UNC5D: variants seen among roughly 807,000 people sequenced by gnomAD.
UNC5D encodes the protein netrin receptor UNC5D.
A neutral mutation model predicts 105.4 loss-of-function variants in UNC5D; 39 were observed. The observed-to-expected ratio is 0.37, with a 90% CI of 0.29 to 0.48. UNC5D has a LOEUF of 0.48. Among genes scored for constraint, UNC5D ranks in the 20% least tolerant of loss-of-function variants. The pLI is 0.98. For missense variants in UNC5D, 991 were observed against 1,202.4 expected (o/e 0.82, Z 2.60); for synonymous variants, 452 against 450.4 (o/e 1.00, Z -0.04).
At chr8:35,556,139 G>A (rs1179985418) in intron 2 of UNC5D, among the ~76,000 whole-genome samples, 1 of 151,892 alleles carries the variant, frequency 6.6e-6, no homozygotes. Context: ...TTAGCCCAGG[G>A]GCTAGTGTAC....
chr8:35,665,089 C>T (rs1024840344), intron 4 of UNC5D, among the ~76,000 whole-genome samples: 3 of 152,144 alleles, frequency 2.0e-5, no homozygotes, highest in African/African-American at 7.2e-5. Flanking sequence ...CCTGCCTTGG[C>T]CTCCCAAAGT....
chr8:35,291,654 G>C (rs750909975), intron 1 of UNC5D, among the ~76,000 whole-genome samples: 1 of 152,172 alleles, frequency 6.6e-6, no homozygotes, highest in African/African-American at 2.4e-5. Context: ...TGGTGTCATT[G>C]GTTTGGGTGG....
At chr8:35,411,956 C>T (rs893136949) in intron 1 of UNC5D, among the ~76,000 whole-genome samples, 1 of 152,052 alleles carries the variant, frequency 6.6e-6, no homozygotes, top group Non-Finnish European at 1.5e-5. Flanking sequence ...CATGTCCTCG[C>T]CTGTCCCCGT....
intron 14 of UNC5D, among the ~76,000 whole-genome samples, chr8:35,766,187 T>C (rs550827325): frequency 6.6e-6 from 1 of 152,266 alleles, no homozygotes; most frequent in East Asian, 1.9e-4. Context: ...TTGTTTCTTA[T>C]TGTTTACCTA....
intron 1 of UNC5D, among the ~76,000 whole-genome samples, chr8:35,387,509 G>A (rs1045049718): frequency 2.6e-5 from 4 of 152,052 alleles, no homozygotes; most frequent in African/African-American, 9.7e-5. Context: ...TGCTCAAAAT[G>A]CTTCTCTTTT....
At chr8:35,765,997 A>G (rs890800780) in intron 14 of UNC5D, among the ~76,000 whole-genome samples, 1 of 152,174 alleles carries the variant, frequency 6.6e-6, no homozygotes, top group African/African-American at 2.4e-5. Flanking sequence ...TTAGTACACA[A>G]AAAAATTTCG....
intron 1 of UNC5D, chr8:35,255,038 C>A (rs565589016): frequency 5.9e-5 from 9 of 152,210 alleles, no homozygotes; most frequent in Non-Finnish European, 1.2e-4. Context: ...CCAAAATAAC[C>A]ACCTCAGGGG....
At chr8:35,487,663 A>G (rs994677810) in intron 1 of UNC5D, among the ~76,000 whole-genome samples, 1 of 152,072 alleles carries the variant, frequency 6.6e-6, no homozygotes, top group Non-Finnish European at 1.5e-5. Context: ...AACAAGTGCA[A>G]TGCTGCTATA....
At chr8:35,289,797 G>A (rs1806902143) in intron 1 of UNC5D, among the ~76,000 whole-genome samples, 1 of 152,058 alleles carries the variant, frequency 6.6e-6, no homozygotes, top group East Asian at 1.9e-4. Flanking sequence ...CAAATGCTCA[G>A]CATTGCAAAT....
chr8:35,501,088 T>A (rs552285791), intron 1 of UNC5D, among the ~76,000 whole-genome samples: 1 of 152,274 alleles, frequency 6.6e-6, no homozygotes, highest in South Asian at 2.1e-4. Flanking sequence ...AGTTGCTCAA[T>A]AAATACCTCA....
At chr8:35,504,893 TC>T (rs1812207322) in intron 1 of UNC5D, among the ~76,000 whole-genome samples, 1 of 152,174 alleles carries the variant, frequency 6.6e-6, no homozygotes, top group Non-Finnish European at 1.5e-5. Context: ...CGTTCAAGTT[TC>T]CTCTGCAGAT....
In UNC5D at chr8:35,396,241, C is replaced by T. The variant is rs571832024; in HGVS notation, c.104-153051C>T. Among the ~76,000 whole-genome samples, 7 of 152,186 alleles carry T rather than the reference C, an allele frequency of 4.6e-5. No individual in the cohort carries two copies. The South Asian group carries it at 1.5e-3, about 32-fold the overall frequency. ...GGGTTGATGAGTCACCAGGAGCACT[C>T]ATAGGACTCAGCGTATGGTTGTATT... On this transcript the variant is annotated intron_variant, in intron 1 of 16. Coordinates refer to ENST00000404895, the MANE Select transcript of UNC5D (RefSeq NM_080872.4).
At chr8:35,475,269 G>C (rs1261968419) in intron 1 of UNC5D, among the ~76,000 whole-genome samples, 1 of 152,156 alleles carries the variant, frequency 6.6e-6, no homozygotes, top group South Asian at 2.1e-4. Flanking sequence ...AGGAGAGCCA[G>C]GTCTGTGTCT....
chr8:35,614,502 G>A (rs1213982910), intron 4 of UNC5D, among the ~76,000 whole-genome samples: 1 of 151,846 alleles, frequency 6.6e-6, no homozygotes, highest in Non-Finnish European at 1.5e-5. Context: ...CTGACAATGA[G>A]GACCTTTGCA....
chr8:35,309,792 C>T (rs538324142), intron 1 of UNC5D, among the ~76,000 whole-genome samples: 50 of 152,224 alleles, frequency 3.3e-4, no homozygotes, highest in African/African-American at 1.1e-3. Context: ...GGTTCTATCT[C>T]CCAGAAATTG....
chr8:35,421,091 A>G (rs1251643992), intron 1 of UNC5D, among the ~76,000 whole-genome samples: 1 of 152,130 alleles, frequency 6.6e-6, no homozygotes, highest in Non-Finnish European at 1.5e-5. Flanking sequence ...GCCACAGAGG[A>G]CTACCTCTTC....
At chr8:35,483,232 T>TA (rs1463418069) in intron 1 of UNC5D, among the ~76,000 whole-genome samples, 3 of 152,150 alleles carry the variant, frequency 2.0e-5, no homozygotes, top group Non-Finnish European at 2.9e-5. Context: ...CACAGGGTGA[T>TA]ACAGAATTTA....
intron 1 of UNC5D, among the ~76,000 whole-genome samples, chr8:35,481,789 G>A (rs1037721800): frequency 1.3e-5 from 2 of 152,128 alleles, no homozygotes; most frequent in African/African-American, 4.8e-5. Flanking sequence ...TGTGGATTGA[G>A]TTTTATATTC....
At chr8:35,644,055 C>A (rs2131146251) in intron 4 of UNC5D, among the ~76,000 whole-genome samples, 1 of 152,262 alleles carries the variant, frequency 6.6e-6, no homozygotes, top group South Asian at 2.1e-4. Context: ...ACTCCTGCCA[C>A]AGTTTCACTA....
Sources: allele counts gnomAD v4.1 joint callset (sites outside exome capture counted in the v4.1 genomes callset), GRCh38; gene constraint gnomAD v4.1.1; transcripts MANE v1.5; gene names NCBI Gene and HGNC (gene_info 2026-07-23, HGNC 2026-07-21).